CNBD1: variants seen among roughly 807,000 people sequenced by gnomAD.
CNBD1 encodes the protein cyclic nucleotide-binding domain-containing protein 1.
A neutral mutation model predicts 54.4 loss-of-function variants in CNBD1; 71 were observed. The ratio of observed to expected loss-of-function variants is 1.30; its 90% CI spans 1.08 to 1.59. The LOEUF (loss-of-function observed/expected upper bound fraction) is 1.59. Among genes scored for constraint, CNBD1 ranks in the 40% most tolerant of loss-of-function variants. The probability of loss-of-function intolerance (pLI) is 0.00; values close to 1 mark genes in which losing one functional copy is unlikely to be tolerated. For synonymous variants in CNBD1, 182 were observed against 170.7 expected, an observed-to-expected ratio of 1.07 and a Z score of -0.51; for missense variants, 659 against 518.0, an observed-to-expected ratio of 1.27 and a Z score of -2.64.
chr8:87,384,366 G>T (rs1811143797), downstream of CNBD1, among the ~76,000 whole-genome samples: 1 of 151,944 alleles, frequency 6.6e-6, no homozygotes, highest in Admixed American at 6.6e-5. Context: ...ACATTATATT[G>T]GGAGAAGATC....
intron 4 of CNBD1, among the ~76,000 whole-genome samples, chr8:87,196,321 G>T (rs760712620): frequency 3.9e-5 from 6 of 152,156 alleles, no homozygotes; most frequent in Non-Finnish European, 8.8e-5. Context: ...TTTGTTTTGG[G>T]TTACTCTTCA....
intron 4 of CNBD1, among the ~76,000 whole-genome samples, chr8:87,188,171 T>C (rs1479328874): frequency 6.6e-6 from 1 of 152,152 alleles, no homozygotes; most frequent in Admixed American, 6.6e-5. Flanking sequence ...CAGATGTCAG[T>C]TCATACACCA....
chr8:87,167,974 T>C (rs998634027), intron 4 of CNBD1, among the ~76,000 whole-genome samples: 1 of 152,022 alleles, frequency 6.6e-6, no homozygotes, highest in Non-Finnish European at 1.5e-5. Flanking sequence ...CTCTCCAGTA[T>C]GTTACTATAG....
rs181854127 is a variant in CNBD1 at position 87,379,458 on chromosome 8, C to G, written c.1304-3162C>G. 5.0e-3 allele frequency among the ~76,000 whole-genome samples: 756 copies of G among 151,798 alleles called. 4 individuals carry two copies. The highest frequency in any genetic ancestry group is 7.6e-3 in the Non-Finnish European group (518 of 67,940). On this transcript the variant is annotated intron_variant, in intron 10 of 10. Transcript: ENST00000518476. The stretch of plus-strand genomic sequence containing the variant: ...TTTCAGCACCACACCACACCTATTC[C>G]AAAATTGACCACATACTGGGAAGTA...
intron 4 of CNBD1, among the ~76,000 whole-genome samples, chr8:87,009,909 C>G (rs557514950): frequency 6.6e-6 from 1 of 152,068 alleles, no homozygotes; most frequent in Non-Finnish European, 1.5e-5. Context: ...CTTCAGGTGG[C>G]CTTTGCTGCT....
In CNBD1 at chr8:87,353,782, A is replaced by G; in HGVS notation, c.1299A>G (p.Leu433=). The change falls in exon 10 of 11, where the codon CTA becomes CTG. Residue 433 remains leucine (L), a synonymous_variant. Coordinates refer to ENST00000518476, the MANE Select transcript of CNBD1 (RefSeq NM_173538.3). The part of the protein sequence containing the change: ...VEMAIIEDKD[L]FVA Reference sequence around the variant, plus strand: ...TGGCAATCATTGAAGATAAGGACCTATTTGGTAAATGCATAAATATCTTTT... The same window carrying G: ...TGGCAATCATTGAAGATAAGGACCTGTTTGGTAAATGCATAAATATCTTTT... 6.3e-7 allele frequency: 1 copy of G among 1,597,738 alleles called. No homozygotes were observed. Among genetic ancestry groups the G allele is most frequent in the Non-Finnish European group, 8.5e-7 (1 of 1,173,718 alleles).
chr8:86,875,418 G>A (rs1398886409), intron 1 of CNBD1, among the ~76,000 whole-genome samples: 1 of 152,070 alleles, frequency 6.6e-6, no homozygotes, highest in African/African-American at 2.4e-5. Context: ...ATTGGTTTTA[G>A]GACTCACTGT....
At chr8:87,296,685 C>T (rs17704553) in intron 8 of CNBD1, among the ~76,000 whole-genome samples, 61,117 of 151,098 alleles carry the variant, frequency 0.4, 13,222 homozygotes, top group Middle Eastern at 0.49. Flanking sequence ...TGACCAATGA[C>T]CACTGAATTC....
intron 9 of CNBD1, among the ~76,000 whole-genome samples, chr8:87,352,784 C>A (rs1345226536): frequency 6.6e-6 from 1 of 152,112 alleles, no homozygotes. Flanking sequence ...AGGGAGACTT[C>A]AATGGAATTC....
At chr8:87,092,313 G>C (rs1811221707) in intron 4 of CNBD1, among the ~76,000 whole-genome samples, 1 of 151,450 alleles carries the variant, frequency 6.6e-6, no homozygotes, top group African/African-American at 2.4e-5. Flanking sequence ...ATAGGACTTT[G>C]ATGAACCCAG....
At chr8:87,302,934 G>A (rs539134633) in intron 8 of CNBD1, among the ~76,000 whole-genome samples, 18 of 151,884 alleles carry the variant, frequency 1.2e-4, no homozygotes, top group South Asian at 1.0e-3. Flanking sequence ...TACAAGGGAT[G>A]TGAAGGACCT....
chr8:87,424,170 T>C (rs1808000893), intron 2 of CNBD1, among the ~76,000 whole-genome samples: 1 of 152,114 alleles, frequency 6.6e-6, no homozygotes. Flanking sequence ...TCTCCCTTTT[T>C]TCTTTATTAG....
chr8:86,920,232 T>A (rs6985417), intron 3 of CNBD1, among the ~76,000 whole-genome samples: 47,627 of 152,032 alleles, frequency 0.31, 7,626 homozygotes, highest in East Asian at 0.42. Context: ...TGTTTGAAAT[T>A]TTTTTGGTAT....
intron 2 of CNBD1, among the ~76,000 whole-genome samples, chr8:86,902,029 A>C (rs1316364087): frequency 6.6e-6 from 1 of 152,188 alleles, no homozygotes; most frequent in African/African-American, 2.4e-5. Flanking sequence ...ATATAAGCGT[A>C]GGCAGGTAAT....
rs910517656 is a variant in CNBD1 at position 87,026,547 on chromosome 8, G to A, written c.431+86793G>A. ...TGGTTTATATTTCAAAATAAAATAT[G>A]GGAATATTTTATGATTTTCTCTTCT... On this transcript the variant is annotated intron_variant, in intron 4 of 10. Coordinates refer to ENST00000518476, the MANE Select transcript of CNBD1 (RefSeq NM_173538.3). Among the ~76,000 whole-genome samples the A allele has an allele frequency of 4.6e-5, 7 of 152,074 alleles. No homozygotes were observed. In the East Asian group the frequency reaches 1.2e-3, roughly 25 times the overall value.
At chr8:87,265,348 C>A (rs1226265524) in intron 6 of CNBD1, among the ~76,000 whole-genome samples, 1 of 151,978 alleles carries the variant, frequency 6.6e-6, no homozygotes, top group Non-Finnish European at 1.5e-5. Flanking sequence ...CTGTTCTGTC[C>A]CACTGGTCTA....
At position 87,179,409 on chromosome 8, in the gene CNBD1, GCTGT is replaced by G. The variant is rs533360701; in HGVS notation, c.432-26581_432-26578del. 3.3e-3 allele frequency among the ~76,000 whole-genome samples: 503 copies of G among 152,108 alleles called. 5 individuals carry two copies. The highest frequency in any genetic ancestry group is 0.011 in the African/African-American group (469 of 41,512). On this transcript the variant is annotated intron_variant, in intron 4 of 10. Transcript: ENST00000518476. ...TATCTTGAAGGTATTATTTTAAATGGCTGTCTAATTTTTGCTCTCTTAAAGAAGA... is the reference window on the plus strand; with the variant it reads ...TATCTTGAAGGTATTATTTTAAATGGCTAATTTTTGCTCTCTTAAAGAAGA...
chr8:86,907,686 A>C (rs1809039019), intron 3 of CNBD1, among the ~76,000 whole-genome samples: 2 of 151,908 alleles, frequency 1.3e-5, no homozygotes, highest in Non-Finnish European at 2.9e-5. Flanking sequence ...CAAAAACAAA[A>C]AAACAAAAAA....
intron 4 of CNBD1, among the ~76,000 whole-genome samples, chr8:87,072,876 C>G (rs1810787516): frequency 6.6e-6 from 1 of 152,074 alleles, no homozygotes; most frequent in Admixed American, 6.6e-5. Context: ...TGAGGAAGTT[C>G]TCCTGGATGA....
Sources: allele counts gnomAD v4.1 joint callset (sites outside exome capture counted in the v4.1 genomes callset), GRCh38; gene constraint gnomAD v4.1.1; transcripts MANE v1.5; gene names NCBI Gene and HGNC (gene_info 2026-07-23, HGNC 2026-07-21).